The following SMU1 variants were observed in gnomAD, a reference collection of about 807,000 sequenced individuals.
SMU1 encodes WD40 repeat-containing protein SMU1.
A neutral mutation model predicts 62.0 loss-of-function variants in SMU1; 2 were observed. The ratio of observed to expected loss-of-function variants is 0.03; its 90% CI spans 0.01 to 0.10. The LOEUF is 0.10. Ranked by LOEUF, SMU1 falls within the 10% of genes least tolerant of loss-of-function variation. The pLI is 1.00. For missense variants in SMU1, 227 were observed against 622.1 expected, an observed-to-expected ratio of 0.36 and a Z score of 6.76; for synonymous variants, 188 against 212.4, an observed-to-expected ratio of 0.89 and a Z score of 1.00.
chr9:33,047,398 C>CAT lies in SMU1; in HGVS notation c.1444-9_1444-8dup. ...TCACATCCTTCTCGTGCACCTGGAA[C>CAT]ATGTAAAGCACAGGGTTAGGATGTA... On this transcript the variant is annotated splice_region_variant and splice_polypyrimidine_tract_variant and intron_variant, in intron 11 of 11. Coordinates refer to ENST00000397149, the MANE Select transcript of SMU1 (RefSeq NM_018225.3). 1.9e-6 allele frequency: 3 copies of CAT among 1,612,382 alleles called. No homozygotes were observed. Among genetic ancestry groups the CAT allele is most frequent in the Non-Finnish European group, 2.5e-6 (3 of 1,178,800 alleles).
chr9:33,043,948 G>A lies in SMU1; in HGVS notation c.*3345C>T, dbSNP rs1839153112. The A allele has an allele frequency of 7.0e-6, 1 of 143,380 alleles. No homozygotes were observed. Among genetic ancestry groups the A allele is most frequent in the South Asian group, 2.2e-4 (1 of 4,456 alleles). The allele number at this position is 143,380 out of a possible 1,614,324, so 8.9% of individuals were successfully genotyped here. On this transcript the variant is annotated 3_prime_UTR_variant, in exon 12 of 12. Coordinates refer to ENST00000397149, the MANE Select transcript of SMU1 (RefSeq NM_018225.3). ...TACATGCTGAAAAAAAACAACTGGT[G>A]AAGAAGATACTGAATTGTACCTGAG...
At chr9:33,056,077 A>G in intron 9 of SMU1, 36 bp downstream of exon 9, 5 of 1,579,904 alleles carry the variant, frequency 3.2e-6, no homozygotes, top group Non-Finnish European at 4.3e-6. Flanking sequence ...AAGATGGGGT[A>G]GACATCCCAA....
chr9:33,076,629 A>G lies in SMU1; in HGVS notation c.-21T>C. On this transcript the variant is annotated 5_prime_UTR_variant, in exon 1 of 12. Transcript: ENST00000397149. Reference sequence around the variant, plus strand: ...GACATAGCCGTATCTCTCCGGGAGCAGGCCCCAGCTCTCCCTCAAGGCCAG... The same window carrying G: ...GACATAGCCGTATCTCTCCGGGAGCGGGCCCCAGCTCTCCCTCAAGGCCAG... 1.9e-6 allele frequency: 3 copies of G among 1,613,810 alleles called. No homozygotes were observed.
chr9:33,052,618 T>C (rs571755096), intron 10 of SMU1, among the ~76,000 whole-genome samples: 4 of 152,178 alleles, frequency 2.6e-5, no homozygotes, highest in Non-Finnish European at 4.4e-5. Flanking sequence ...GTCCTCAAAC[T>C]TGATGCTTCT....
At chr9:33,073,907 T>C in intron 1 of SMU1, 101 bp from the exon 2 acceptor site, 2 of 1,095,024 alleles carry the variant, frequency 1.8e-6, no homozygotes, top group South Asian at 1.6e-5. Context: ...TTCACTACTA[T>C]TTCTTTATCA....
chr9:33,047,461 G>T, intron 11 of SMU1, 70 bp from the exon 12 acceptor site: 1 of 1,300,612 alleles, frequency 7.7e-7, no homozygotes, highest in Non-Finnish European at 1.1e-6. Context: ...GGCTTCCAGA[G>T]GTGGGTGGAA....
intron 11 of SMU1, among the ~76,000 whole-genome samples, chr9:33,047,624 G>C (rs2119417615): frequency 6.6e-6 from 1 of 152,264 alleles, no homozygotes; most frequent in East Asian, 1.9e-4. Context: ...TTGGGAGGCA[G>C]AGGCGGGTGG....
Position 33,045,183 on chromosome 9 carries a change from T to C in SMU1, c.*2110A>G, listed in dbSNP as rs977832414. 1 of 152,224 alleles carries C rather than the reference T, an allele frequency of 6.6e-6. No individual in the cohort carries two copies. The allele number at this position is 152,224 out of a possible 1,614,324, so 9.4% of individuals were successfully genotyped here. The stretch of plus-strand genomic sequence containing the variant: ...ATGCACATCATAACTACCAGCTTCA[T>C]GAGGTCAAGACTAAATCAAAAATTC... On this transcript the variant is annotated 3_prime_UTR_variant, in exon 12 of 12. Coordinates refer to ENST00000397149, the MANE Select transcript of SMU1 (RefSeq NM_018225.3).
At position 33,071,898 on chromosome 9, in the gene SMU1, C is replaced by T. The variant is rs754654603; in HGVS notation, c.238-6G>A. On this transcript the variant is annotated splice_region_variant and splice_polypyrimidine_tract_variant and intron_variant, in intron 2 of 11. Transcript: ENST00000397149. ...TCTATCAATTCCAGAACAACCTGGA[C>T]AATTAAAAAAAAACAAAAAAAACCC... 3 of 1,510,872 alleles carry T rather than the reference C, an allele frequency of 2.0e-6. No homozygotes were observed. The highest frequency in any genetic ancestry group is 2.6e-6 in the Non-Finnish European group (3 of 1,134,900). 93.6% of individuals were successfully genotyped at this position (1,510,872 alleles called of 1,614,324 possible).
chr9:33,053,873 T>C (rs889432133), intron 9 of SMU1, among the ~76,000 whole-genome samples: 3 of 152,266 alleles, frequency 2.0e-5, no homozygotes, highest in Non-Finnish European at 4.4e-5. Context: ...TAAAAATCTA[T>C]GATCTTTTCT....
intron 6 of SMU1, among the ~76,000 whole-genome samples, chr9:33,059,584 C>CTGTTTTGTTT (rs376541268): frequency 3.4e-5 from 5 of 146,186 alleles, no homozygotes; most frequent in African/African-American, 5.1e-5. Flanking sequence ...GGGCGAAACT[C>CTGTTTTGTTT]TGTTTTGTTT....
Position 33,071,909 on chromosome 9 carries a change from A to G in SMU1, c.238-17T>C, listed in dbSNP as rs377633473. ...CAGAACAACCTGGACAATTAAAAAAAAACAAAAAAAACCCCAGATGTTTCA... is the reference window on the plus strand; with the variant it reads ...CAGAACAACCTGGACAATTAAAAAAGAACAAAAAAAACCCCAGATGTTTCA... On this transcript the variant is annotated splice_polypyrimidine_tract_variant and intron_variant, in intron 2 of 11. Transcript: ENST00000397149. 100 of 1,502,508 alleles carry G rather than the reference A, an allele frequency of 6.7e-5. 1 individual carries two copies. The highest frequency in any genetic ancestry group is 8.7e-5 in the Non-Finnish European group (98 of 1,130,264). The allele number at this position is 1,502,508 out of a possible 1,614,324, so 93.1% of individuals were successfully genotyped here.
At chr9:33,060,314 T>C (rs969985503) in intron 6 of SMU1, 151 bp downstream of exon 6, 15 of 684,654 alleles carry the variant, frequency 2.2e-5, no homozygotes, top group Non-Finnish European at 3.3e-5. Flanking sequence ...CCACTGTCCC[T>C]AGCTTTAAAT....
In SMU1 at chr9:33,072,066, G is replaced by A. The variant is rs897137550; in HGVS notation, c.238-174C>T. On this transcript the variant is annotated intron_variant, in intron 2 of 11. Transcript: ENST00000397149. ...TCAGGTGGACTTGGTGGGCTTGGTGGCTCATGCCTATAATCCTAACACTGT... is the reference window on the plus strand; with the variant it reads ...TCAGGTGGACTTGGTGGGCTTGGTGACTCATGCCTATAATCCTAACACTGT... Among the ~76,000 whole-genome samples, 6 of 152,296 alleles carry A rather than the reference G, an allele frequency of 3.9e-5. 1 individual carries two copies. In the South Asian group the frequency reaches 1.2e-3, roughly 32 times the overall value.
intron 1 of SMU1, among the ~76,000 whole-genome samples, chr9:33,075,752 A>G (rs1307470802): frequency 6.6e-6 from 1 of 152,164 alleles, no homozygotes; most frequent in Non-Finnish European, 1.5e-5. Context: ...GTCTCCAAAA[A>G]AGGTCCTCTC....
In SMU1 at chr9:33,056,097, A is replaced by G. The variant is rs1359906886; in HGVS notation, c.1122+16T>C. ...GGGGTAGACATCCCAAAATAAACTGATAGCAAATACTTAACCTTTACAGTG... is the reference window on the plus strand; with the variant it reads ...GGGGTAGACATCCCAAAATAAACTGGTAGCAAATACTTAACCTTTACAGTG... On this transcript the variant is annotated intron_variant, in intron 9 of 11. Coordinates refer to ENST00000397149, the MANE Select transcript of SMU1 (RefSeq NM_018225.3). 1 of 1,593,750 alleles carries G rather than the reference A, an allele frequency of 6.3e-7. No individual in the cohort carries two copies. The highest frequency in any genetic ancestry group is 8.6e-7 in the Non-Finnish European group (1 of 1,168,454).
rs34866457 is a variant in SMU1 at position 33,047,212 on chromosome 9, CAAA to C, written c.*78_*80del. The C allele has an allele frequency of 4.4e-4, 286 of 644,822 alleles. No homozygotes were observed. Among genetic ancestry groups the C allele is most frequent in the South Asian group, 8.2e-4 (33 of 40,054 alleles). 39.9% of individuals were successfully genotyped at this position (644,822 alleles called of 1,614,324 possible). On this transcript the variant is annotated 3_prime_UTR_variant, in exon 12 of 12. Coordinates refer to ENST00000397149, the MANE Select transcript of SMU1 (RefSeq NM_018225.3). ...CAATCTATTTGCTTAGAAAAGCTGG[CAAA>C]AAAAAAAAAAAGCACATTACATGAA...
chr9:33,076,659 G>T lies in SMU1; in HGVS notation c.-51C>A. 1 of 1,612,878 alleles carries T rather than the reference G, an allele frequency of 6.2e-7. No homozygotes were observed. Among genetic ancestry groups the T allele is most frequent in the Non-Finnish European group, 8.5e-7 (1 of 1,179,844 alleles). ...CCAGCTCTCCCTCAAGGCCAGTCGCGCAACACACCAACGACACCTCCGGCG... is the reference window on the plus strand; with the variant it reads ...CCAGCTCTCCCTCAAGGCCAGTCGCTCAACACACCAACGACACCTCCGGCG... On this transcript the variant is annotated 5_prime_UTR_variant, in exon 1 of 12. Transcript: ENST00000397149.
At chr9:33,062,717 C>G (rs1839376842) in intron 4 of SMU1, among the ~76,000 whole-genome samples, 1 of 152,132 alleles carries the variant, frequency 6.6e-6, no homozygotes, top group African/African-American at 2.4e-5. Flanking sequence ...GACATTTACA[C>G]TGCTTCCAAT....
Sources: gnomAD v4.1 joint callset for allele counts (sites outside exome capture counted in the v4.1 genomes callset) on GRCh38, gnomAD v4.1.1 for gene constraint, MANE v1.5 for transcripts, NCBI Gene and HGNC (gene_info 2026-07-23, HGNC 2026-07-21) for gene names.